Variants in TMEM243 observed in about 807,000 individuals in gnomAD.
The protein encoded by TMEM243 is MDR1 and mitochondrial taxol resistance associated.
In TMEM243, 20 loss-of-function variants were observed where a neutral mutation model predicts 15.0. The ratio of observed to expected loss-of-function variants is 1.33; its 90% CI spans 0.94 to 1.93. The LOEUF (loss-of-function observed/expected upper bound fraction) is 1.93, where lower values mean the gene tolerates loss of function less well. Among genes scored for constraint, TMEM243 ranks in the 30% most tolerant of loss-of-function variants. TMEM243 has a pLI of 0.00. For synonymous variants in TMEM243, 72 were observed against 52.7 expected (o/e 1.37, Z -1.59); for missense variants, 156 against 142.1 (o/e 1.10, Z -0.50).
intron 1 of TMEM243, among the ~76,000 whole-genome samples, chr7:87,212,051 G>A (rs1286765225): frequency 6.6e-6 from 1 of 152,164 alleles, no homozygotes; most frequent in African/African-American, 2.4e-5. Flanking sequence ...TATTTTAAAA[G>A]TTACAACTTT....
At chr7:87,209,708 G>A (rs1802547992) in intron 1 of TMEM243, among the ~76,000 whole-genome samples, 1 of 147,324 alleles carries the variant, frequency 6.8e-6, no homozygotes, top group Admixed American at 6.7e-5. Context: ...GACACAGTGA[G>A]AGCGAGACAC....
At chr7:87,203,607 TAA>T (rs201660147) in intron 1 of TMEM243, among the ~76,000 whole-genome samples, 9 of 137,164 alleles carry the variant, frequency 6.6e-5, no homozygotes, top group Admixed American at 2.9e-4. Context: ...ATGAGAATCT[TAA>T]AAAAAAAAAA....
At chr7:87,217,928 A>G (rs1803227394) in intron 1 of TMEM243, among the ~76,000 whole-genome samples, 1 of 152,272 alleles carries the variant, frequency 6.6e-6, no homozygotes, top group African/African-American at 2.4e-5. Context: ...CATTACACCA[A>G]GTCATCTACC....
At chr7:87,207,055 C>T (rs572510705) in intron 1 of TMEM243, among the ~76,000 whole-genome samples, 1 of 152,242 alleles carries the variant, frequency 6.6e-6, no homozygotes, top group Admixed American at 6.5e-5. Context: ...AAAGGTGCAA[C>T]ACCCTAACAG....
intron 1 of TMEM243, among the ~76,000 whole-genome samples, chr7:87,207,893 T>C (rs1802343902): frequency 6.6e-6 from 1 of 152,170 alleles, no homozygotes; most frequent in Admixed American, 6.5e-5. Context: ...CTGTTCCACA[T>C]GAGCAAACTG....
In TMEM243 at chr7:87,209,711, C is replaced by T. The variant is rs1320107018; in HGVS notation, c.78+9715G>A. On this transcript the variant is annotated intron_variant, in intron 1 of 3. Transcript: ENST00000257637. ...GCGAGAGAGCGAGACACAGTGAGAG[C>T]GAGACACAGTGAGAGCGAGACACAG... Among the ~76,000 whole-genome samples the T allele has an allele frequency of 3.2e-4, 32 of 99,288 alleles. 2 individuals are homozygous for T. The highest frequency in any genetic ancestry group is 2.8e-3 in the South Asian group (8 of 2,858). 65.1% of individuals were successfully genotyped at this position (99,288 alleles called of 152,430 possible).
Position 87,219,614 on chromosome 7 carries a change from A to G in TMEM243, c.-111T>C. 3 of 981,730 alleles carry G rather than the reference A, an allele frequency of 3.1e-6. No individual in the cohort carries two copies. Among genetic ancestry groups the G allele is most frequent in the Non-Finnish European group, 4.7e-6 (3 of 640,562 alleles). 60.8% of individuals were successfully genotyped at this position (981,730 alleles called of 1,614,324 possible). On this transcript the variant is annotated 5_prime_UTR_variant, in exon 1 of 4. Coordinates refer to ENST00000257637, the MANE Select transcript of TMEM243 (RefSeq NM_024315.4). ...CTCCTCACGGCTCCCGCATAGCCGA[A>G]CCCGAGTGGTCGGGGAAGCGCTGGC... is the stretch of plus-strand genomic sequence containing the variant.
At chr7:87,201,019 T>C (rs1801765920) in intron 1 of TMEM243, among the ~76,000 whole-genome samples, 1 of 152,260 alleles carries the variant, frequency 6.6e-6, no homozygotes, top group South Asian at 2.1e-4. Context: ...AAAATATATC[T>C]AAACTTTAAT....
chr7:87,213,198 T>A (rs975132635), intron 1 of TMEM243, among the ~76,000 whole-genome samples: 2 of 152,096 alleles, frequency 1.3e-5, no homozygotes, highest in African/African-American at 4.8e-5. Flanking sequence ...TGCACCAGCA[T>A]CCCCTGAGGA....
chr7:87,199,155 C>A, intron 1 of TMEM243, 98 bp from the exon 2 acceptor site: 1 of 944,312 alleles, frequency 1.1e-6, no homozygotes, highest in East Asian at 2.8e-5. Context: ...TATAAAGAAA[C>A]CCAAGATCCA....
chr7:87,219,013 T>G (rs1803301132), intron 1 of TMEM243, among the ~76,000 whole-genome samples: 1 of 152,064 alleles, frequency 6.6e-6, no homozygotes, highest in Admixed American at 6.5e-5. Context: ...TGAACCCTTA[T>G]GAGTTCTATG....
At chr7:87,214,129 T>C (rs903867922) in intron 1 of TMEM243, among the ~76,000 whole-genome samples, 7 of 152,228 alleles carry the variant, frequency 4.6e-5, no homozygotes, top group Admixed American at 2.0e-4. Context: ...GCCCTAGCTA[T>C]GGGATGCTGC....
At chr7:87,210,491 T>C (rs1802667218) in intron 1 of TMEM243, among the ~76,000 whole-genome samples, 1 of 152,164 alleles carries the variant, frequency 6.6e-6, no homozygotes, top group Non-Finnish European at 1.5e-5. Context: ...CAAGATACAA[T>C]GGGGGTTACA....
upstream of TMEM243, chr7:87,219,777 C>T: frequency 2.1e-6 from 1 of 470,138 alleles, no homozygotes; most frequent in Non-Finnish European, 3.8e-6. Flanking sequence ...CGGGACGCCC[C>T]CGCCCGGGCA....
chr7:87,210,483 A>AGATACAAT (rs1802666546), intron 1 of TMEM243, among the ~76,000 whole-genome samples: 1 of 152,266 alleles, frequency 6.6e-6, no homozygotes, highest in Admixed American at 6.5e-5. Context: ...GTTACTTCCA[A>AGATACAAT]GATACAATGG....
In TMEM243 at chr7:87,198,037, C is replaced by T. The variant is rs771322130; in HGVS notation, c.138G>A (p.Leu46=). 3 of 1,611,950 alleles carry T rather than the reference C, an allele frequency of 1.9e-6. No homozygotes were observed. The highest frequency in any genetic ancestry group is 2.5e-6 in the Non-Finnish European group (3 of 1,178,830). Residue 46 remains leucine (L), a synonymous_variant, in exon 3 of 4, where the codon CTG becomes CTA. Coordinates refer to ENST00000257637, the MANE Select transcript of TMEM243 (RefSeq NM_024315.4). ...SLTSLLILVT[L]ISAFVFPQLP... is the part of the protein sequence containing the mutation. Reference sequence around the variant, plus strand: ...GTTGAGGGAAAACAAAAGCACTTATCAGCGTTACCTGTATGAAGAGAAATT... The same window carrying T: ...GTTGAGGGAAAACAAAAGCACTTATTAGCGTTACCTGTATGAAGAGAAATT...
intron 1 of TMEM243, among the ~76,000 whole-genome samples, chr7:87,203,938 G>A (rs143131890): frequency 1.6e-4 from 25 of 152,216 alleles, no homozygotes; most frequent in African/African-American, 5.3e-4. Context: ...TCCCAATTTT[G>A]ACTACTCATC....
Position 87,219,575 on chromosome 7 carries a change from C to G in TMEM243, c.-72G>C, listed in dbSNP as rs1362424119. 2.2e-6 allele frequency: 3 copies of G among 1,366,854 alleles called. No individual in the cohort carries two copies. The allele number at this position is 1,366,854 out of a possible 1,614,324, so 84.7% of individuals were successfully genotyped here. ...ATGACCTCCCGAGGTCTCAGGTCCA[C>G]GACTGCAAGCCTCCTCCTCACGGCT... On this transcript the variant is annotated 5_prime_UTR_variant, in exon 1 of 4. Transcript: ENST00000257637.
At chr7:87,198,216 T>C (rs1801507977) in intron 2 of TMEM243, 171 bp from the exon 3 acceptor site, 1 of 519,702 alleles carries the variant, frequency 1.9e-6, no homozygotes, top group East Asian at 3.1e-5. Flanking sequence ...GTTCGAGTTA[T>C]TTTAGTACTT....
Sources: gnomAD v4.1 joint callset for allele counts (sites outside exome capture counted in the v4.1 genomes callset) on GRCh38, gnomAD v4.1.1 for gene constraint, MANE v1.5 for transcripts, NCBI Gene and HGNC (gene_info 2026-07-23, HGNC 2026-07-21) for gene names.